HIVEP1: variants seen among roughly 807,000 people sequenced by gnomAD.
HIVEP1 encodes the protein HIVEP zinc finger 1.
In HIVEP1, 36 loss-of-function variants were observed where a neutral mutation model predicts 180.0. The ratio of observed to expected loss-of-function variants is 0.20; its 90% CI spans 0.15 to 0.26. The LOEUF (loss-of-function observed/expected upper bound fraction) is 0.26, where lower values mean the gene tolerates loss of function less well. Among genes scored for constraint, HIVEP1 ranks in the 10% least tolerant of loss-of-function variants. The probability of loss-of-function intolerance (pLI) is 1.00; values close to 1 mark genes in which losing one functional copy is unlikely to be tolerated. For synonymous variants in HIVEP1, 1,239 were observed against 1,239.0 expected (o/e 1.00, Z 0.00); for missense variants, 3,143 against 3,268.7 (o/e 0.96, Z 0.94).
At chr6:12,136,942 C>T (rs980167951) in intron 7 of HIVEP1, among the ~76,000 whole-genome samples, 4 of 152,050 alleles carry the variant, frequency 2.6e-5, no homozygotes, top group Non-Finnish European at 5.9e-5. Context: ...TAAACATTTA[C>T]GTGCTTGCTA....
Position 12,121,593 on chromosome 6 carries a change from A to C in HIVEP1, c.1798A>C (p.Asn600His). Residue 600 changes from asparagine to histidine, a missense_variant, in exon 4 of 9, where the codon AAC (asparagine) becomes CAC (histidine). Around this residue, in one of 12 missense-constraint regions of HIVEP1, gnomAD observed 365 missense variants for 344.4 expected, o/e 1.06. Transcript: ENST00000379388. This position sits in a 1 kb window ranked among gnomAD's most constrained non-coding sequence, Gnocchi z 5.3. ...AQKQKDLQVT[N>H]VQPLSANMSQ... ...AAAGCAGAAGGACCTTCAGGTGACA[A>C]ACGTACAGCCACTTTCAGCCAACAT... 6.2e-7 allele frequency: 1 copy of C among 1,614,160 alleles called. No individual in the cohort carries two copies. Among genetic ancestry groups the C allele is most frequent in the Non-Finnish European group, 8.5e-7 (1 of 1,180,016 alleles).
In HIVEP1 at chr6:12,164,237, A is replaced by C; in HGVS notation, c.7933A>C (p.Lys2645Gln). ...GAAGGCTGCCTCGGCAAATCACGTG[A>C]AGCCCAAGCCTGAACTCACTTCCAT... ...TEKAASANHV[K>Q]PKPELTSIQG... The change falls in exon 9 of 9, where the codon AAG becomes CAG. Residue 2645 changes from lysine (K) to glutamine (Q), a missense_variant. Lys to Gln is a moderately conservative substitution (Grantham distance 53). This residue lies in a region of HIVEP1 where 595 missense variants were observed against 602.2 expected (regional missense o/e 0.99). Coordinates refer to ENST00000379388, the MANE Select transcript of HIVEP1 (RefSeq NM_002114.4). 6.2e-7 allele frequency: 1 copy of C among 1,614,150 alleles called. No homozygotes were observed. The highest frequency in any genetic ancestry group is 8.5e-7 in the Non-Finnish European group (1 of 1,180,036).
At chr6:12,084,759 T>C (rs1423568066) in intron 2 of HIVEP1, among the ~76,000 whole-genome samples, 1 of 152,066 alleles carries the variant, frequency 6.6e-6, no homozygotes, top group African/African-American at 2.4e-5. Context: ...ATGTTACCAA[T>C]GTGAGTTTTG....
intron 6 of HIVEP1, among the ~76,000 whole-genome samples, chr6:12,132,405 GGAAA>G: frequency 6.6e-6 from 1 of 152,136 alleles, no homozygotes; most frequent in South Asian, 2.1e-4. Context: ...AGATACAATG[GGAAA>G]TGGGTATTTC....
intron 1 of HIVEP1, among the ~76,000 whole-genome samples, chr6:12,014,929 C>T (rs1418747056): frequency 6.6e-6 from 1 of 152,184 alleles, no homozygotes; most frequent in Non-Finnish European, 1.5e-5. Flanking sequence ...CAGTGCTGAT[C>T]CCATGGCAGA....
At chr6:12,046,845 C>CTGTGTGTGTGTG (rs372934680) in intron 2 of HIVEP1, among the ~76,000 whole-genome samples, 7,789 of 140,986 alleles carry the variant, frequency 0.055, 336 homozygotes, top group African/African-American at 0.12. Context: ...TGCCACTACA[C>CTGTGTGTGTGTG]TGTGTGTGTG....
the HIVEP1 span, among the ~76,000 whole-genome samples, chr6:12,178,088 A>C: frequency 6.6e-6 from 1 of 152,206 alleles, no homozygotes; most frequent in East Asian, 1.9e-4. Flanking sequence ...AAGAAACAAA[A>C]CCCCAAAATC....
rs192279143 is a variant in HIVEP1, at chr6:12,067,567, G to A, written c.41-21617G>A. Among the ~76,000 whole-genome samples the A allele has an allele frequency of 8.5e-5, 13 of 152,106 alleles. No homozygotes were observed. In the East Asian group the frequency reaches 2.3e-3, roughly 27 times the overall value. On this transcript the variant is annotated intron_variant, in intron 2 of 8. Transcript: ENST00000379388. ...AATTCTTCCCTGCTTTTGAGTAGGC[G>A]CCAATGGCGTAGAATGGTTTGGATT...
At chr6:12,115,277 G>A (rs1426836260) in intron 3 of HIVEP1, among the ~76,000 whole-genome samples, 2 of 149,254 alleles carry the variant, frequency 1.3e-5, no homozygotes, top group African/African-American at 5.0e-5. Flanking sequence ...AAATAGATTT[G>A]TGCCTTGGAA....
At chr6:12,074,131 T>C (rs982085813) in intron 2 of HIVEP1, among the ~76,000 whole-genome samples, 1 of 152,228 alleles carries the variant, frequency 6.6e-6, no homozygotes, top group Non-Finnish European at 1.5e-5. Flanking sequence ...AATATTTTCA[T>C]CTCCACTAAA....
At chr6:12,205,987 A>T in the HIVEP1 span, among the ~76,000 whole-genome samples, 5 of 152,132 alleles carry the variant, frequency 3.3e-5, no homozygotes, top group Non-Finnish European at 5.9e-5. Flanking sequence ...CCCAAAATTT[A>T]TGTGTGGAAG....
chr6:12,202,781 A>T, the HIVEP1 span, among the ~76,000 whole-genome samples: 2 of 152,174 alleles, frequency 1.3e-5, no homozygotes, highest in Admixed American at 6.5e-5. Flanking sequence ...GCTGGTTCCC[A>T]TTCTCTCTTC....
intron 3 of HIVEP1, among the ~76,000 whole-genome samples, chr6:12,115,350 C>CT (rs34074662): frequency 0.32 from 23,870 of 75,222 alleles, 5,073 homozygotes; most frequent in East Asian, 0.57. Context: ...CCCAACTATT[C>CT]TTTTTTTTTT....
At chr6:12,086,621 A>G (rs1276240084) in intron 2 of HIVEP1, among the ~76,000 whole-genome samples, 4 of 152,052 alleles carry the variant, frequency 2.6e-5, no homozygotes, top group African/African-American at 7.2e-5. Flanking sequence ...AGGTTTGGCA[A>G]AAAGGATGTG....
intron 2 of HIVEP1, among the ~76,000 whole-genome samples, chr6:12,068,372 G>A (rs1771740393): frequency 6.6e-6 from 1 of 152,132 alleles, no homozygotes; most frequent in Admixed American, 6.5e-5. Context: ...TTACAGGCAC[G>A]AGCCACCATG....
intron 7 of HIVEP1, among the ~76,000 whole-genome samples, chr6:12,155,943 G>A (rs1050208444): frequency 4.6e-5 from 7 of 152,032 alleles, no homozygotes; most frequent in Admixed American, 1.3e-4. Flanking sequence ...AATAATAGCC[G>A]TTCTGACTGG....
At chr6:12,188,746 C>A in the HIVEP1 span, among the ~76,000 whole-genome samples, 1 of 151,736 alleles carries the variant, frequency 6.6e-6, no homozygotes, top group Admixed American at 6.6e-5. Flanking sequence ...CTGATAGATT[C>A]AATATTGTAA....
chr6:12,163,418 G>A lies in HIVEP1; in HGVS notation c.7114G>A (p.Gly2372Ser), dbSNP rs1403575918. The change falls in exon 9 of 9, where the codon GGC (glycine) becomes AGC (serine). Residue 2372 changes from glycine (G) to serine (S), a missense_variant. Physicochemically the swap from Gly to Ser is moderately conservative, Grantham distance 56. Around this residue, in one of 12 missense-constraint regions of HIVEP1, gnomAD observed 595 missense variants for 602.2 expected, o/e 0.99. Transcript: ENST00000379388. The stretch of plus-strand genomic sequence containing the variant: ...GCAAATAACTCTACAGCCGACTCCA[G>A]GCTTGCCTTCTCCCCACACTCATTT... Reference protein sequence around the residue: ...KQQITLQPTPGLPSPHTHLFS... With the variant: ...KQQITLQPTPSLPSPHTHLFS... The A allele has an allele frequency of 6.2e-7, 1 of 1,614,134 alleles. No homozygotes were observed. Among genetic ancestry groups the A allele is most frequent in the East Asian group, 2.2e-5 (1 of 44,876 alleles).
intron 2 of HIVEP1, among the ~76,000 whole-genome samples, chr6:12,035,253 G>GAT (rs1561872997): frequency 6.6e-6 from 1 of 152,092 alleles, no homozygotes. Context: ...ATCTTTCTAA[G>GAT]TGTATCCTGA....
Sources: allele counts gnomAD v4.1 joint callset (sites outside exome capture counted in the v4.1 genomes callset), GRCh38; gene constraint gnomAD v4.1.1; regional missense constraint gnomAD v4.1.1; non-coding constraint Gnocchi (gnomAD v3.1); transcripts MANE v1.5; gene names NCBI Gene and HGNC (gene_info 2026-07-23, HGNC 2026-07-21).